KIF3C: variants seen among roughly 807,000 people sequenced by gnomAD.
KIF3C encodes kinesin family member 3C, also known as kinesin-like protein KIF3C.
In KIF3C, 12 loss-of-function variants were observed where a neutral mutation model predicts 67.7. The ratio of observed to expected loss-of-function variants is 0.18; its 90% CI spans 0.11 to 0.29. The LOEUF (loss-of-function observed/expected upper bound fraction) is 0.29. KIF3C is among the 10% of genes least tolerant of loss of function. The probability of loss-of-function intolerance (pLI) is 1.00; values close to 1 mark genes in which losing one functional copy is unlikely to be tolerated. For missense variants in KIF3C, 789 were observed against 1,059.6 expected, an observed-to-expected ratio of 0.74 and a Z score of 3.55; for synonymous variants, 393 against 426.2, an observed-to-expected ratio of 0.92 and a Z score of 0.96.
At chr2:25,951,961 T>C in intron 4 of KIF3C, 56 bp from the exon 5 acceptor site, 5 of 1,183,520 alleles carry the variant, frequency 4.2e-6, no homozygotes, top group Non-Finnish European at 6.3e-6. Context: ...GACCACGTGG[T>C]GCATGTGAGG....
intron 1 of KIF3C, among the ~76,000 whole-genome samples, chr2:25,979,073 G>A (rs2149245086): frequency 6.6e-6 from 1 of 152,218 alleles, no homozygotes; most frequent in Admixed American, 6.5e-5. Context: ...GGGCCCCCCT[G>A]CTCCCCAGCC....
rs1062937 is a variant in KIF3C at position 25,980,505 on chromosome 2, C to T, written c.1413G>A (p.Glu471=). 6.2e-7 allele frequency: 1 copy of T among 1,614,134 alleles called. No homozygotes were observed. Among genetic ancestry groups the T allele is most frequent in the African/African-American group, 1.3e-5 (1 of 75,042 alleles). The part of the protein sequence containing the change: ...LQEQKERLEE[E]KAAIQDDRSL... ...TGCGGTCATCCTGGATGGCTGCCTT[C>T]TCCTCCTCCAGCCGCTCCTTCTGTT... Residue 471 remains glutamate (E), a synonymous_variant, in exon 1 of 8, where the codon GAG becomes GAA. Transcript: ENST00000264712. The surrounding 1 kb of genome is among the most constrained non-coding windows in gnomAD (Gnocchi z 7.6).
intron 4 of KIF3C, 48 bp downstream of exon 4, chr2:25,954,219 T>C: frequency 7.3e-7 from 1 of 1,376,954 alleles, no homozygotes; most frequent in Non-Finnish European, 1.0e-6. Context: ...GCCTGAGTAA[T>C]GATGGCTGGC....
rs1664609629 is a variant in KIF3C, at chr2:25,981,993, G to A, written c.-76C>T. On this transcript the variant is annotated 5_prime_UTR_variant, in exon 1 of 8. Coordinates refer to ENST00000264712, the MANE Select transcript of KIF3C (RefSeq NM_002254.8). The surrounding 1 kb of genome is among the most constrained non-coding windows in gnomAD (Gnocchi z 8.2). ...CCTGCTATCCTGCTCGCTAGGTCGG[G>A]ATCAGCGGGGCCGGCCCAGCCCCCA... 2 of 1,249,634 alleles carry A rather than the reference G, an allele frequency of 1.6e-6. No individual in the cohort carries two copies. Among genetic ancestry groups the A allele is most frequent in the Admixed American group, 2.7e-5 (1 of 37,260 alleles). 77.4% of individuals were successfully genotyped at this position (1,249,634 alleles called of 1,614,324 possible).
chr2:25,971,397 G>A (rs1664280939), intron 1 of KIF3C, among the ~76,000 whole-genome samples: 1 of 150,890 alleles, frequency 6.6e-6, no homozygotes, highest in South Asian at 2.1e-4. Flanking sequence ...CTGAGATCAC[G>A]CCACTGTACT....
At chr2:25,968,422 T>A (rs940744841) in intron 1 of KIF3C, among the ~76,000 whole-genome samples, 10 of 152,182 alleles carry the variant, frequency 6.6e-5, no homozygotes, top group Non-Finnish European at 1.5e-4. Flanking sequence ...TCAGCTCACC[T>A]TGAAAAAAAG....
At chr2:25,935,681 T>C (rs1057188845) in intron 5 of KIF3C, among the ~76,000 whole-genome samples, 1 of 152,082 alleles carries the variant, frequency 6.6e-6, no homozygotes, top group Non-Finnish European at 1.5e-5. Context: ...TATTTACAAC[T>C]GCAAAAAATT....
intron 5 of KIF3C, among the ~76,000 whole-genome samples, chr2:25,949,909 T>C (rs111558433): frequency 0.2 from 29,467 of 151,080 alleles, 3,365 homozygotes; most frequent in African/African-American, 0.32. Flanking sequence ...AAGCGGAGGT[T>C]GCAGTGAGCC....
rs533885345 is a variant in KIF3C at position 25,955,062 on chromosome 2, T to G, written c.1770+479A>C. ...CTTCCTGCCCTAGACCCCCCTCACA[T>G]GTACATGTCTTTCCCTTGCCACGGG... On this transcript the variant is annotated intron_variant, in intron 3 of 7. Coordinates refer to ENST00000264712, the MANE Select transcript of KIF3C (RefSeq NM_002254.8). The surrounding 1 kb of genome is among the most constrained non-coding windows in gnomAD (Gnocchi z 5.0). 1.9e-3 allele frequency among the ~76,000 whole-genome samples: 282 copies of G among 152,274 alleles called. 1 individual carries two copies. The highest frequency in any genetic ancestry group is 6.8e-3 in the Middle Eastern group (2 of 294).
At chr2:25,975,755 C>G (rs966668965) in intron 1 of KIF3C, among the ~76,000 whole-genome samples, 39 of 151,864 alleles carry the variant, frequency 2.6e-4, no homozygotes, top group African/African-American at 9.2e-4. Flanking sequence ...TCAGGAGATC[C>G]AGACCATCTT....
chr2:25,971,871 CTTTTTTTTTTT>C (rs70950146), intron 1 of KIF3C, among the ~76,000 whole-genome samples: 16 of 53,804 alleles, frequency 3.0e-4, no homozygotes, highest in African/African-American at 5.1e-4. Flanking sequence ...CCATGCCTAG[CTTTTTTTTTTT>C]TTTTTTTTTT....
At chr2:25,950,806 G>A (rs939646132) in intron 5 of KIF3C, among the ~76,000 whole-genome samples, 4 of 151,520 alleles carry the variant, frequency 2.6e-5, no homozygotes, top group Admixed American at 2.0e-4. Flanking sequence ...CTCTATTCAC[G>A]TGCTTGCCAC....
chr2:25,969,038 G>C (rs149925868), intron 1 of KIF3C, among the ~76,000 whole-genome samples: 2,185 of 152,146 alleles, frequency 0.014, 50 homozygotes, highest in African/African-American at 0.049. Flanking sequence ...TGGTCAGGCT[G>C]GTCTCGAACT....
rs200256799 is a variant in KIF3C at position 25,980,665 on chromosome 2, G to A, written c.1253C>T (p.Pro418Leu). The stretch of plus-strand genomic sequence containing the variant: ...CACTGGGCCCTCAGGGTACCCAGGC[G>A]GGGCGGACACGGCCTTCTTCCTGCG... ...SSRRKKAVSA[P>L]PGYPEGPVIE... Residue 418 changes from proline (P) to leucine (L), a missense_variant, in exon 1 of 8, where the codon CCG (proline) becomes CTG (leucine). Coordinates refer to ENST00000264712, the MANE Select transcript of KIF3C (RefSeq NM_002254.8). The surrounding 1 kb of genome is among the most constrained non-coding windows in gnomAD (Gnocchi z 7.6). 149 of 1,614,020 alleles carry A rather than the reference G, an allele frequency of 9.2e-5. No individual in the cohort carries two copies. Among genetic ancestry groups the A allele is most frequent in the East Asian group, 6.7e-4 (30 of 44,876 alleles).
intron 1 of KIF3C, among the ~76,000 whole-genome samples, chr2:25,963,196 ATTT>A (rs1165957083): frequency 7.9e-4 from 34 of 43,284 alleles, no homozygotes; most frequent in African/African-American, 3.0e-3. Context: ...ATATATATAT[ATTT>A]TTTTTTTTTT....
chr2:25,973,571 A>G (rs1466272715), intron 1 of KIF3C, among the ~76,000 whole-genome samples: 2 of 137,858 alleles, frequency 1.5e-5, no homozygotes, highest in Non-Finnish European at 3.1e-5. Context: ...AAAAAAAAAA[A>G]GCTGTACATA....
intron 1 of KIF3C, among the ~76,000 whole-genome samples, chr2:25,962,747 TATATA>T (rs1231021595): frequency 8.7e-6 from 1 of 114,974 alleles, no homozygotes; most frequent in African/African-American, 3.3e-5. Flanking sequence ...ACCTAATATA[TATATA>T]ATATAATATA....
intron 1 of KIF3C, among the ~76,000 whole-genome samples, chr2:25,965,740 G>A (rs1388430417): frequency 1.3e-5 from 2 of 151,830 alleles, no homozygotes; most frequent in Admixed American, 1.3e-4. Context: ...TGAGAATGTG[G>A]AGTTCCTAGT....
chr2:25,957,600 T>C (rs773485839), intron 1 of KIF3C, among the ~76,000 whole-genome samples: 4 of 152,164 alleles, frequency 2.6e-5, no homozygotes, highest in Non-Finnish European at 4.4e-5. Context: ...ACTGGAATTT[T>C]TCCCAGTGGA....
Sources: gnomAD v4.1 joint callset for allele counts (sites outside exome capture counted in the v4.1 genomes callset) on GRCh38, gnomAD v4.1.1 for gene constraint, Gnocchi (gnomAD v3.1) non-coding constraint, MANE v1.5 for transcripts, NCBI Gene and HGNC (gene_info 2026-07-23, HGNC 2026-07-21) for gene names.